The following TRIM4 variants were observed in gnomAD, a reference collection of about 807,000 sequenced individuals.
The protein encoded by TRIM4 is E3 ubiquitin-protein ligase TRIM4.
Under a neutral mutation model 33.7 loss-of-function variants are expected in TRIM4, and 29 were observed. That is an observed-to-expected ratio of 0.86 (90% CI 0.64 to 1.17). The LOEUF is 1.17. Ranked by LOEUF, TRIM4 falls within the 50% of genes most tolerant of loss-of-function variation. The probability of loss-of-function intolerance (pLI) is 0.00; values close to 1 mark genes in which losing one functional copy is unlikely to be tolerated. For synonymous variants in TRIM4, 224 were observed against 233.0 expected (o/e 0.96, Z 0.35); for missense variants, 554 against 593.7 (o/e 0.93, Z 0.69).
chr7:99,901,869 T>C (rs1819178358), intron 5 of TRIM4: 2 of 512,916 alleles, frequency 3.9e-6, no homozygotes, highest in Non-Finnish European at 6.9e-6. Context: ...GCGAGGGTTC[T>C]CTCTGTGTCC....
chr7:99,892,041 G>T lies in TRIM4; in HGVS notation c.*122C>A, dbSNP rs567875893. 2.7e-4 allele frequency: 245 copies of T among 900,074 alleles called. 1 individual carries two copies. Among genetic ancestry groups the T allele is most frequent in the African/African-American group, 2.6e-3 (156 of 59,442 alleles). The allele number at this position is 900,074 out of a possible 1,614,324, so 55.8% of individuals were successfully genotyped here. A position where few individuals can be genotyped will look rare whatever the true frequency, so the allele number is the denominator to read the frequency against. On this transcript the variant is annotated 3_prime_UTR_variant, in exon 6 of 6. Transcript: ENST00000349062. The stretch of plus-strand genomic sequence containing the variant: ...CAAAGGGCAGATACCAAACGGTACC[G>T]TTAGGGAGACCCAGAAGATGGACCA...
At position 99,903,391 on chromosome 7, in the gene TRIM4, A is replaced by G. The variant is rs568308106; in HGVS notation, c.744-76T>C. 2.1e-4 allele frequency: 291 copies of G among 1,383,408 alleles called. No individual in the cohort carries two copies. The African/African-American group carries it at 3.7e-3, about 18-fold the overall frequency. 85.7% of individuals were successfully genotyped at this position (1,383,408 alleles called of 1,614,324 possible). ...CCTCCACTCCCGGTCAAAGGTTCTT[A>G]GCCCAAAGTTCAGATGGCTTCTGTT... On this transcript the variant is annotated intron_variant, in intron 4 of 5. Coordinates refer to ENST00000349062, the MANE Select transcript of TRIM4 (RefSeq NM_033091.3).
intron 2 of TRIM4, among the ~76,000 whole-genome samples, chr7:99,909,299 C>T (rs1008429977): frequency 6.6e-6 from 1 of 151,978 alleles, no homozygotes; most frequent in East Asian, 1.9e-4. Context: ...ATGAAGTATG[C>T]GGAACTCATT....
In TRIM4 at chr7:99,903,220, T is replaced by C. The variant is rs1279345469; in HGVS notation, c.839A>G (p.Gln280Arg). The change falls in exon 5 of 6, where the codon CAA (glutamine) becomes CGA (arginine). Residue 280 changes from glutamine (Q) to arginine (R), a missense_variant and splice_region_variant. By Grantham distance (43) the Gln-to-Arg change is conservative. Transcript: ENST00000349062. Reference sequence around the variant, plus strand: ...CAAGTCCTAGAAATTCTGCTCACCTTGGAATCGCTTTAGCATTTCCTTCAT... The same window carrying C: ...CAAGTCCTAGAAATTCTGCTCACCTCGGAATCGCTTTAGCATTTCCTTCAT... ...PLMKEMLKRF[Q>R]VAVNLAEDTA... The C allele has an allele frequency of 6.2e-7, 1 of 1,608,996 alleles. No individual in the cohort carries two copies. Among genetic ancestry groups the C allele is most frequent in the African/African-American group, 1.3e-5 (1 of 74,688 alleles).
chr7:99,911,489 TA>T (rs1020232085), intron 1 of TRIM4, among the ~76,000 whole-genome samples: 4 of 151,916 alleles, frequency 2.6e-5, no homozygotes, highest in African/African-American at 9.7e-5. Context: ...TTTAAAAAAC[TA>T]AAAGAAAAGA....
At chr7:99,901,457 A>G (rs1819165274) in intron 5 of TRIM4, 1 of 152,214 alleles carries the variant, frequency 6.6e-6, no homozygotes, top group Admixed American at 6.5e-5. Flanking sequence ...ACTGGATGCC[A>G]GACATTGTGA....
chr7:99,919,461 G>T lies in TRIM4; in HGVS notation c.-60C>A. The stretch of plus-strand genomic sequence containing the variant: ...GAGGCGCGGGAGAGGCCAGCAAGCT[G>T]CGAGCGGCCGCGGGGAGGCCAGACG... On this transcript the variant is annotated 5_prime_UTR_variant, in exon 1 of 6. Transcript: ENST00000349062. 7 of 1,435,436 alleles carry T rather than the reference G, an allele frequency of 4.9e-6. No individual in the cohort carries two copies. Among genetic ancestry groups the T allele is most frequent in the Non-Finnish European group, 6.4e-6 (7 of 1,093,526 alleles). 88.9% of individuals were successfully genotyped at this position (1,435,436 alleles called of 1,614,324 possible). A position where few individuals can be genotyped will look rare whatever the true frequency, so the allele number is the denominator to read the frequency against.
At chr7:99,893,384 TAGAACCA>T (rs1483600643) in intron 5 of TRIM4, among the ~76,000 whole-genome samples, 1 of 152,036 alleles carries the variant, frequency 6.6e-6, no homozygotes, top group African/African-American at 2.4e-5. Flanking sequence ...GAATCAAAAC[TAGAACCA>T]AGGCTGCCGA....
intron 3 of TRIM4, among the ~76,000 whole-genome samples, chr7:99,904,369 G>A (rs1055127131): frequency 7.2e-5 from 11 of 152,134 alleles, no homozygotes; most frequent in South Asian, 2.1e-4. Flanking sequence ...AAACTTTCAA[G>A]ATCATCAAAA....
chr7:99,896,352 C>T (rs1207387917), intron 5 of TRIM4, among the ~76,000 whole-genome samples: 2 of 152,186 alleles, frequency 1.3e-5, no homozygotes, highest in Non-Finnish European at 2.9e-5. Context: ...AACATCTGAA[C>T]CTCTGGCCCA....
At chr7:99,900,737 T>A (rs1489519463) in intron 5 of TRIM4, among the ~76,000 whole-genome samples, 2 of 152,212 alleles carry the variant, frequency 1.3e-5, no homozygotes, top group Admixed American at 6.5e-5. Flanking sequence ...AACTCTAGGT[T>A]AACAGTTTTT....
chr7:99,904,972 A>C (rs1197245538), intron 3 of TRIM4, among the ~76,000 whole-genome samples: 1 of 152,118 alleles, frequency 6.6e-6, no homozygotes, highest in Non-Finnish European at 1.5e-5. Flanking sequence ...GCGAAGTTGC[A>C]GTAAGCCAAG....
rs749135900 is a variant in TRIM4 at position 99,892,563 on chromosome 7, C to T, written c.1025G>A (p.Cys342Tyr). Residue 342 changes from cysteine to tyrosine, a missense_variant, in exon 6 of 6, where the codon TGT becomes TAT. Transcript: ENST00000349062. ...AFVERFQHLP[C>Y]VLGKNVFTSG... ...GGTGAAAACGTTTTTTCCCAGAACA[C>T]AGGGTAAGTGCTGAAATCTCTCTAC... is the stretch of plus-strand genomic sequence containing the variant. The T allele has an allele frequency of 1.9e-6, 3 of 1,614,052 alleles. No homozygotes were observed. The highest frequency in any genetic ancestry group is 2.7e-5 in the African/African-American group (2 of 74,920).
chr7:99,919,378 C>T lies in TRIM4; in HGVS notation c.24G>A (p.Glu8=). MEAEDIQ[E]ELTCPICLDY... ...CCAGGCAGATGGGGCAGGTCAACTCCTCCTGGATGTCCTCAGCTTCCATGC... is the reference window on the plus strand; with the variant it reads ...CCAGGCAGATGGGGCAGGTCAACTCTTCCTGGATGTCCTCAGCTTCCATGC... The change falls in exon 1 of 6, where the codon GAG becomes GAA. Residue 8 remains glutamate (E), a synonymous_variant. Transcript: ENST00000349062. 6.4e-7 allele frequency: 1 copy of T among 1,574,368 alleles called. No homozygotes were observed. Among genetic ancestry groups the T allele is most frequent in the South Asian group, 1.2e-5 (1 of 86,794 alleles).
At chr7:99,918,877 C>CT in intron 1 of TRIM4, 132 bp downstream of exon 1, 2 of 1,212,830 alleles carry the variant, frequency 1.6e-6, no homozygotes, top group South Asian at 1.7e-5. Context: ...TGCTTAACTT[C>CT]TTTGAGTTTC....
intron 1 of TRIM4, among the ~76,000 whole-genome samples, chr7:99,916,454 C>T (rs1350750223): frequency 2.0e-5 from 3 of 152,256 alleles, no homozygotes; most frequent in African/African-American, 7.2e-5. Context: ...TTACTTCACA[C>T]TCAGTACATT....
intron 5 of TRIM4, chr7:99,902,260 T>G (rs751292429): frequency 1.3e-5 from 9 of 708,202 alleles, no homozygotes; most frequent in Admixed American, 6.0e-5. Context: ...GTTTGTTTGT[T>G]TTTTGAGACA....
chr7:99,905,257 C>T (rs923900655), intron 3 of TRIM4, among the ~76,000 whole-genome samples: 4 of 152,052 alleles, frequency 2.6e-5, no homozygotes, highest in Admixed American at 6.5e-5. Context: ...ACACTGGTAA[C>T]AATAGTGTAA....
At chr7:99,894,661 CATCCCCCCCCCA>C (rs1257185621) in intron 5 of TRIM4, among the ~76,000 whole-genome samples, 2 of 148,446 alleles carry the variant, frequency 1.3e-5, no homozygotes, top group African/African-American at 2.5e-5. Context: ...ACCAAGACTC[CATCCCCCCCCCA>C]AAAAAAAAAA....
Sources: gnomAD v4.1 joint callset for allele counts (sites outside exome capture counted in the v4.1 genomes callset) on GRCh38, gnomAD v4.1.1 for gene constraint, MANE v1.5 for transcripts, NCBI Gene and HGNC (gene_info 2026-07-23, HGNC 2026-07-21) for gene names.